SWAP70: variants seen among roughly 807,000 people sequenced by gnomAD.
SWAP70 encodes switch-associated protein 70.
A neutral mutation model predicts 80.2 loss-of-function variants in SWAP70; 34 were observed. That is an observed-to-expected ratio of 0.42 (90% CI 0.32 to 0.56). SWAP70 has a LOEUF of 0.56. Ranked by LOEUF, SWAP70 falls within the 20% of genes least tolerant of loss-of-function variation. SWAP70 has a pLI of 0.09. For synonymous variants in SWAP70, 239 were observed against 238.5 expected (o/e 1.00, Z -0.02); for missense variants, 578 against 690.7 (o/e 0.84, Z 1.83).
At chr11:9,668,817 C>A (rs1306952699) in intron 1 of SWAP70, among the ~76,000 whole-genome samples, 1 of 152,088 alleles carries the variant, frequency 6.6e-6, no homozygotes, top group Non-Finnish European at 1.5e-5. Context: ...TTTGAGTTAT[C>A]TTCACAACTT....
intron 7 of SWAP70, among the ~76,000 whole-genome samples, chr11:9,733,514 G>C (rs778848767): frequency 6.6e-6 from 1 of 152,200 alleles, no homozygotes; most frequent in Non-Finnish European, 1.5e-5. Flanking sequence ...CCTCTGAGTA[G>C]AGTAGACTCA....
At chr11:9,709,706 C>T (rs185375326) in intron 2 of SWAP70, among the ~76,000 whole-genome samples, 1 of 152,200 alleles carries the variant, frequency 6.6e-6, no homozygotes, top group East Asian at 1.9e-4. Flanking sequence ...TCAGGCTGAT[C>T]TCAAACTCCT....
At chr11:9,693,059 A>T (rs1002844734) in intron 1 of SWAP70, among the ~76,000 whole-genome samples, 1 of 152,206 alleles carries the variant, frequency 6.6e-6, no homozygotes, top group African/African-American at 2.4e-5. Flanking sequence ...TCCTAACTGA[A>T]ATATGTGTAT....
intron 3 of SWAP70, chr11:9,720,539 G>A (rs994002288): frequency 1.8e-5 from 17 of 952,746 alleles, no homozygotes; most frequent in African/African-American, 8.9e-5. Context: ...ATGGTCATTC[G>A]GCTCTACCAT....
At chr11:9,733,179 C>G (rs1590044078) in intron 7 of SWAP70, among the ~76,000 whole-genome samples, 1 of 152,178 alleles carries the variant, frequency 6.6e-6, no homozygotes, top group South Asian at 2.1e-4. Flanking sequence ...TTCCTTCCAT[C>G]TCAAGATTAG....
chr11:9,693,479 T>G (rs1025923701), intron 1 of SWAP70, among the ~76,000 whole-genome samples: 40 of 152,322 alleles, frequency 2.6e-4, no homozygotes, highest in African/African-American at 9.1e-4. Context: ...TTTTGCTATT[T>G]AATTTTTTCC....
chr11:9,725,605 C>G (rs193204473), intron 4 of SWAP70, among the ~76,000 whole-genome samples: 1 of 130,630 alleles, frequency 7.7e-6, no homozygotes, highest in Non-Finnish European at 1.6e-5. Context: ...CGGAATTTCA[C>G]GCTGTCACCA....
intron 2 of SWAP70, among the ~76,000 whole-genome samples, chr11:9,701,530 C>G (rs952294494): frequency 1.1e-4 from 16 of 151,320 alleles, no homozygotes; most frequent in African/African-American, 3.2e-4. Context: ...TGCCTGTAAT[C>G]TCAGCACTTT....
intron 1 of SWAP70, among the ~76,000 whole-genome samples, chr11:9,687,881 A>G (rs1850651331): frequency 2.0e-5 from 3 of 152,188 alleles, no homozygotes; most frequent in Admixed American, 2.0e-4. Flanking sequence ...TAAATGCTGA[A>G]TAGGAGTTCA....
In SWAP70 at chr11:9,722,593, C is replaced by T. The variant is rs373141191; in HGVS notation, c.415-2065C>T. 7.2e-5 allele frequency among the ~76,000 whole-genome samples: 11 copies of T among 152,104 alleles called. No individual in the cohort carries two copies. In the South Asian group the frequency reaches 1.7e-3, roughly 23 times the overall value. Reference sequence around the variant, plus strand: ...CCAGGTGGTGCCGACGTCACTGGTCCGCATGCTTCGTTTTGAGTAGGAATA... The same window carrying T: ...CCAGGTGGTGCCGACGTCACTGGTCTGCATGCTTCGTTTTGAGTAGGAATA... On this transcript the variant is annotated intron_variant, in intron 3 of 11. Transcript: ENST00000318950.
intron 7 of SWAP70, among the ~76,000 whole-genome samples, chr11:9,733,147 A>C (rs1851321885): frequency 6.6e-6 from 1 of 152,174 alleles, no homozygotes; most frequent in Admixed American, 6.5e-5. Context: ...TTTGGAGTTA[A>C]AGATACAGTC....
chr11:9,679,424 C>T (rs1453544289), intron 1 of SWAP70, among the ~76,000 whole-genome samples: 1 of 152,184 alleles, frequency 6.6e-6, no homozygotes, highest in Non-Finnish European at 1.5e-5. Flanking sequence ...TCTTTCAGTT[C>T]CTAGGGTGAT....
At chr11:9,679,963 G>C (rs1055683610) in intron 1 of SWAP70, among the ~76,000 whole-genome samples, 1 of 152,148 alleles carries the variant, frequency 6.6e-6, no homozygotes, top group African/African-American at 2.4e-5. Flanking sequence ...GCCACTGCAC[G>C]CGGCCTGCTT....
chr11:9,670,148 G>A (rs1344246594), intron 1 of SWAP70, among the ~76,000 whole-genome samples: 3 of 152,042 alleles, frequency 2.0e-5, no homozygotes, highest in Non-Finnish European at 2.9e-5. Flanking sequence ...GAAGATAACA[G>A]AAACCATTGC....
chr11:9,728,019 G>A (rs1459170222), intron 4 of SWAP70, 34 bp from the exon 5 acceptor site: 2 of 1,553,278 alleles, frequency 1.3e-6, no homozygotes, highest in Non-Finnish European at 1.7e-6. Context: ...CAAATAAAAA[G>A]ACAATAATTT....
intron 1 of SWAP70, among the ~76,000 whole-genome samples, chr11:9,672,195 C>CTATGTGTATATATA (rs530619499): frequency 3.8e-5 from 3 of 78,418 alleles, no homozygotes; most frequent in African/African-American, 4.9e-5. Flanking sequence ...ATGTGTGTGT[C>CTATGTGTATATATA]TATATATATA....
At chr11:9,694,476 A>G (rs1037864600) in intron 2 of SWAP70, among the ~76,000 whole-genome samples, 190 bp downstream of exon 2, 3 of 152,118 alleles carry the variant, frequency 2.0e-5, no homozygotes, top group African/African-American at 7.2e-5. Context: ...TGTCTTCTAA[A>G]CTTGGTTTGA....
At chr11:9,725,569 A>ATAT (rs1554892086) in intron 4 of SWAP70, among the ~76,000 whole-genome samples, 6 of 26,596 alleles carry the variant, frequency 2.3e-4, no homozygotes, top group East Asian at 1.5e-3. Context: ...ATATATATAT[A>ATAT]TTTTTTTTTT....
At chr11:9,744,932 G>A (rs1287685144) in intron 9 of SWAP70, among the ~76,000 whole-genome samples, 1 of 152,108 alleles carries the variant, frequency 6.6e-6, no homozygotes, top group African/African-American at 2.4e-5. Context: ...TTATTGGAAA[G>A]TTCTTGAGGC....
Sources: allele counts gnomAD v4.1 joint callset (sites outside exome capture counted in the v4.1 genomes callset), GRCh38; gene constraint gnomAD v4.1.1; transcripts MANE v1.5; gene names NCBI Gene and HGNC (gene_info 2026-07-23, HGNC 2026-07-21).